The following NRG3 variants were observed in gnomAD, a reference collection of about 807,000 sequenced individuals.
NRG3 encodes pro-neuregulin-3, membrane-bound isoform.
NRG3 carries 31 observed loss-of-function variants against 66.9 expected under a neutral mutation model. The observed-to-expected ratio is 0.46, with a 90% CI of 0.35 to 0.63. The LOEUF (loss-of-function observed/expected upper bound fraction) is 0.63. NRG3 is among the 20% of genes least tolerant of loss of function. The pLI is 0.00. For missense variants in NRG3, 910 were observed against 878.9 expected, an observed-to-expected ratio of 1.04 and a Z score of -0.45; for synonymous variants, 393 against 359.4, an observed-to-expected ratio of 1.09 and a Z score of -1.06.
chr10:82,331,917 T>C (rs1437134182), intron 1 of NRG3, among the ~76,000 whole-genome samples: 5 of 152,210 alleles, frequency 3.3e-5, no homozygotes, highest in African/African-American at 1.2e-4. Context: ...GGAGTGTGCA[T>C]GAGCGAGAGC....
intron 2 of NRG3, among the ~76,000 whole-genome samples, chr10:82,383,357 C>T (rs1484880683): frequency 6.6e-6 from 1 of 151,776 alleles, no homozygotes; most frequent in Non-Finnish European, 1.5e-5. Context: ...GTTGCACATA[C>T]TATCAGAAAT....
At chr10:82,341,252 A>G (rs1044538838) in intron 1 of NRG3, among the ~76,000 whole-genome samples, 1 of 152,070 alleles carries the variant, frequency 6.6e-6, no homozygotes, top group Non-Finnish European at 1.5e-5. Context: ...TGATAAATAG[A>G]GTGTTTGGCA....
intron 1 of NRG3, among the ~76,000 whole-genome samples, chr10:82,215,560 C>G (rs912211344): frequency 6.6e-6 from 1 of 152,138 alleles, no homozygotes; most frequent in African/African-American, 2.4e-5. Context: ...GAATCATCTT[C>G]TGTTACTATT....
At chr10:82,728,992 TGA>T (rs1491528245) in intron 2 of NRG3, among the ~76,000 whole-genome samples, 2 of 152,062 alleles carry the variant, frequency 1.3e-5, no homozygotes, top group African/African-American at 2.4e-5. Context: ...TGTGTGTGTG[TGA>T]GGGTGTGAGT....
At chr10:82,703,511 A>G (rs1046208556) in intron 2 of NRG3, among the ~76,000 whole-genome samples, 7 of 152,124 alleles carry the variant, frequency 4.6e-5, no homozygotes, top group African/African-American at 1.4e-4. Context: ...CTAATGACAC[A>G]TATTTGTGAA....
intron 1 of NRG3, among the ~76,000 whole-genome samples, chr10:82,216,573 G>GTGT (rs1564673798): frequency 0.052 from 6,230 of 119,382 alleles, 147 homozygotes; most frequent in Middle Eastern, 0.17. Flanking sequence ...TATATATCTG[G>GTGT]GTGTGTGTGT....
At chr10:82,462,562 A>C (rs1316664524) in intron 2 of NRG3, among the ~76,000 whole-genome samples, 1 of 152,086 alleles carries the variant, frequency 6.6e-6, no homozygotes, top group African/African-American at 2.4e-5. Context: ...GAAGAGATTG[A>C]AGCTGGAGGC....
chr10:82,781,665 AC>A (rs1243781397), intron 3 of NRG3, among the ~76,000 whole-genome samples: 1 of 151,900 alleles, frequency 6.6e-6, no homozygotes, highest in Non-Finnish European at 1.5e-5. Context: ...AACACATCCC[AC>A]CCTTACACAC....
chr10:82,484,243 TG>T (rs1206350483), intron 2 of NRG3, among the ~76,000 whole-genome samples: 1 of 152,210 alleles, frequency 6.6e-6, no homozygotes, highest in Non-Finnish European at 1.5e-5. Context: ...TGTACTACAG[TG>T]GGTGAGACGT....
intron 1 of NRG3, among the ~76,000 whole-genome samples, chr10:82,155,023 A>G (rs1293266109): frequency 6.6e-6 from 1 of 151,758 alleles, no homozygotes; most frequent in Non-Finnish European, 1.5e-5. Context: ...TTTTATTTCA[A>G]TGCTTTTTAT....
chr10:82,132,494 T>TATG (rs1554831210), intron 1 of NRG3, among the ~76,000 whole-genome samples: 2 of 44,380 alleles, frequency 4.5e-5, no homozygotes, highest in African/African-American at 2.2e-4. Flanking sequence ...ATATATATGA[T>TATG]ATATATATAT....
At chr10:82,663,162 AAG>A (rs1328622710) in intron 2 of NRG3, among the ~76,000 whole-genome samples, 3 of 152,222 alleles carry the variant, frequency 2.0e-5, no homozygotes, top group Non-Finnish European at 4.4e-5. Flanking sequence ...CTGAGTCTCA[AAG>A]AGATAAATGA....
chr10:82,654,781 T>C (rs2051710960), intron 2 of NRG3, among the ~76,000 whole-genome samples: 1 of 152,166 alleles, frequency 6.6e-6, no homozygotes, highest in Admixed American at 6.5e-5. Context: ...AATGATATGT[T>C]AAAGATAAAC....
At chr10:82,265,556 G>A (rs947379092) in intron 1 of NRG3, among the ~76,000 whole-genome samples, 2 of 152,114 alleles carry the variant, frequency 1.3e-5, no homozygotes, top group African/African-American at 4.8e-5. Flanking sequence ...TTTTGGATGT[G>A]GCGTAATAAT....
At chr10:82,613,701 A>C (rs1310537183) in intron 2 of NRG3, among the ~76,000 whole-genome samples, 4 of 151,704 alleles carry the variant, frequency 2.6e-5, no homozygotes, top group African/African-American at 9.7e-5. Flanking sequence ...TTTATTATTA[A>C]TATACTTTAA....
chr10:81,951,358 G>A (rs778894455), intron 1 of NRG3, among the ~76,000 whole-genome samples: 18 of 152,090 alleles, frequency 1.2e-4, no homozygotes, highest in Non-Finnish European at 2.4e-4. Context: ...ACTTGAAACA[G>A]CAAAACAGAA....
At chr10:82,975,548 G>C (rs1852173970) in intron 7 of NRG3, among the ~76,000 whole-genome samples, 1 of 152,186 alleles carries the variant, frequency 6.6e-6, no homozygotes. Context: ...TGACATTGCA[G>C]TATCTGTTGG....
chr10:82,897,886 G>A (rs1591870313), intron 4 of NRG3, among the ~76,000 whole-genome samples: 3 of 152,164 alleles, frequency 2.0e-5, no homozygotes, highest in East Asian at 3.9e-4. Flanking sequence ...AAATGATGAG[G>A]TGATTAATAG....
intron 2 of NRG3, among the ~76,000 whole-genome samples, chr10:82,408,131 G>GAAAAAAAGAAAGAA (rs1491232024): frequency 7.7e-6 from 1 of 129,760 alleles, no homozygotes; most frequent in African/African-American, 2.9e-5. Flanking sequence ...AAGAAAGAAA[G>GAAAAAAAGAAAGAA]AAAGAAAGAA....
Sources: allele counts gnomAD v4.1 joint callset (sites outside exome capture counted in the v4.1 genomes callset), GRCh38; gene constraint gnomAD v4.1.1; transcripts MANE v1.5; gene names NCBI Gene and HGNC (gene_info 2026-07-23, HGNC 2026-07-21).